ESF1: variants seen among roughly 807,000 people sequenced by gnomAD.
The protein encoded by ESF1 is ESF1 homolog.
ESF1 carries 58 observed loss-of-function variants against 92.0 expected under a neutral mutation model. That is an observed-to-expected ratio of 0.63 (90% CI 0.51 to 0.78). The LOEUF (loss-of-function observed/expected upper bound fraction) is 0.78. Ranked by LOEUF, ESF1 falls within the 30% of genes least tolerant of loss-of-function variation. The pLI, the probability that ESF1 is intolerant of heterozygous loss-of-function variation, is 0.00. For synonymous variants in ESF1, 321 were observed against 313.7 expected (o/e 1.02, Z -0.24); for missense variants, 922 against 989.1 (o/e 0.93, Z 0.91).
chr20:13,743,667 TAA>T (rs1568716106), intron 9 of ESF1, among the ~76,000 whole-genome samples: 1 of 152,104 alleles, frequency 6.6e-6, no homozygotes, highest in South Asian at 2.1e-4. Flanking sequence ...ATGTGGAATC[TAA>T]AAAAGTCAAA....
chr20:13,716,361 C>A (rs551660158), intron 13 of ESF1, among the ~76,000 whole-genome samples: 1 of 152,246 alleles, frequency 6.6e-6, no homozygotes, highest in African/African-American at 2.4e-5. Context: ...TGGCTTACTG[C>A]GCTGGCCACT....
intron 9 of ESF1, among the ~76,000 whole-genome samples, chr20:13,759,123 A>T (rs1016469716): frequency 6.6e-6 from 1 of 152,202 alleles, no homozygotes; most frequent in Non-Finnish European, 1.5e-5. Flanking sequence ...CAGAAAGTGA[A>T]ACCATGAAAA....
Position 13,714,997 on chromosome 20 carries a change from T to G in ESF1, c.2433A>C (p.Lys811Asn). ...EQELTQAIKKKESEIEKESQR... is the reference protein window; with the variant it reads ...EQELTQAIKKNESEIEKESQR... ...GTGATTCCTTTTCAATCTCACTCTCTTTTTTCTTTATTGCCTGAGTAAGTT... is the reference window on the plus strand; with the variant it reads ...GTGATTCCTTTTCAATCTCACTCTCGTTTTTCTTTATTGCCTGAGTAAGTT... The change falls in exon 14 of 14, where the codon AAA becomes AAC. Residue 811 changes from lysine (K) to asparagine (N), a missense_variant. Coordinates refer to ENST00000617257, the MANE Select transcript of ESF1 (RefSeq NM_001276380.2). The G allele has an allele frequency of 6.2e-7, 1 of 1,614,070 alleles. No homozygotes were observed. Among genetic ancestry groups the G allele is most frequent in the East Asian group, 2.2e-5 (1 of 44,864 alleles).
chr20:13,773,275 CT>C (rs1429495688), intron 4 of ESF1, among the ~76,000 whole-genome samples: 3 of 152,150 alleles, frequency 2.0e-5, no homozygotes, highest in Admixed American at 6.5e-5. Flanking sequence ...TTTAAACTGT[CT>C]GAAATATGCA....
At chr20:13,771,008 A>G (rs1249562950) in intron 6 of ESF1, among the ~76,000 whole-genome samples, 2 of 152,202 alleles carry the variant, frequency 1.3e-5, no homozygotes, top group East Asian at 3.9e-4. Flanking sequence ...CCCTTCCTCC[A>G]TGCATTTTTA....
intron 9 of ESF1, among the ~76,000 whole-genome samples, chr20:13,745,473 ATGGAGTCTCGCTCTG>A (rs1165126731): frequency 1.3e-5 from 2 of 152,218 alleles, no homozygotes; most frequent in African/African-American, 4.8e-5. Flanking sequence ...CTTTTTAGAG[ATGGAGTCTCGCTCTG>A]TGGCCCAGGC....
intron 9 of ESF1, among the ~76,000 whole-genome samples, chr20:13,749,659 G>A (rs373418071): frequency 2.6e-5 from 4 of 152,178 alleles, no homozygotes; most frequent in Middle Eastern, 3.4e-3. Context: ...TCCACTTGCC[G>A]GGTTCAAGAG....
chr20:13,743,862 T>A (rs2050031083), intron 9 of ESF1, among the ~76,000 whole-genome samples: 1 of 152,214 alleles, frequency 6.6e-6, no homozygotes, highest in South Asian at 2.1e-4. Flanking sequence ...ATATGTATAT[T>A]AAATCATCAC....
intron 2 of ESF1, among the ~76,000 whole-genome samples, chr20:13,778,461 T>TC (rs1191983167): frequency 3.6e-5 from 1 of 28,104 alleles, no homozygotes; most frequent in African/African-American, 8.5e-5. Context: ...TTTTTGAATA[T>TC]CATTTTTTTA....
In ESF1 at chr20:13,747,054, C is replaced by A. The variant is rs2050054242; in HGVS notation, c.1828+12638G>T. ...ACCAGAGAAGAAAACAGCCTAGGGG[C>A]TCTGGTGGGCCTAAGGATGAAAGGG... On this transcript the variant is annotated intron_variant, in intron 9 of 13. Transcript: ENST00000617257. Among the ~76,000 whole-genome samples the A allele has an allele frequency of 2.6e-5, 4 of 152,102 alleles. No homozygotes were observed. The East Asian group carries it at 7.7e-4, about 29-fold the overall frequency.
chr20:13,764,294 A>C (rs1192938570), intron 8 of ESF1, among the ~76,000 whole-genome samples: 1 of 152,242 alleles, frequency 6.6e-6, no homozygotes, highest in Non-Finnish European at 1.5e-5. Context: ...GAAGATGTGA[A>C]GGTATTAGGC....
intron 13 of ESF1, among the ~76,000 whole-genome samples, chr20:13,716,213 A>G (rs549607392): frequency 9.2e-5 from 14 of 152,354 alleles, no homozygotes; most frequent in African/African-American, 3.1e-4. Flanking sequence ...GTCATTAAGC[A>G]GTTTCTAACA....
At chr20:13,731,424 C>T (rs1009971550) in intron 10 of ESF1, among the ~76,000 whole-genome samples, 1 of 147,998 alleles carries the variant, frequency 6.8e-6, no homozygotes, top group Non-Finnish European at 1.5e-5. Flanking sequence ...CCCAGCTACT[C>T]GGGAGGCTGA....
rs983411145 is a variant in ESF1, at chr20:13,743,317, T to C, written c.1829-9475A>G. On this transcript the variant is annotated intron_variant, in intron 9 of 13. Transcript: ENST00000617257. ...GGTACAGCTATTATGGAAAACAGCA[T>C]GGAGGTTCCTCAAAAACTTACAAAC... Among the ~76,000 whole-genome samples the C allele has an allele frequency of 2.6e-5, 4 of 152,306 alleles. No individual in the cohort carries two copies. The South Asian group carries it at 8.3e-4, about 32-fold the overall frequency.
chr20:13,758,110 C>T (rs1281903870), intron 9 of ESF1, among the ~76,000 whole-genome samples: 1 of 152,076 alleles, frequency 6.6e-6, no homozygotes, highest in Non-Finnish European at 1.5e-5. Flanking sequence ...AGTTCTTCTG[C>T]GAGACAATTC....
Position 13,751,030 on chromosome 20 carries a change from C to T in ESF1, c.1828+8662G>A, listed in dbSNP as rs1027325941. Among the ~76,000 whole-genome samples, 73 of 152,226 alleles carry T rather than the reference C, an allele frequency of 4.8e-4. 1 individual carries two copies. The highest frequency in any genetic ancestry group is 1.7e-3 in the African/African-American group (72 of 41,522). On this transcript the variant is annotated intron_variant, in intron 9 of 13. Coordinates refer to ENST00000617257, the MANE Select transcript of ESF1 (RefSeq NM_001276380.2). ...GACACGAAGATGCTATACTCAAAAA[C>T]GTATCTGTGAGAAAATGTAATAAAA...
chr20:13,771,114 G>C (rs896985720), intron 6 of ESF1, among the ~76,000 whole-genome samples: 7 of 152,304 alleles, frequency 4.6e-5, no homozygotes, highest in African/African-American at 1.7e-4. Flanking sequence ...CAATATGTCT[G>C]AAAGGACAAA....
intron 9 of ESF1, among the ~76,000 whole-genome samples, chr20:13,736,058 G>C (rs2049973356): frequency 6.6e-6 from 1 of 152,158 alleles, no homozygotes; most frequent in Non-Finnish European, 1.5e-5. Flanking sequence ...AGGAGCTGAA[G>C]AGGTCTAGCC....
At chr20:13,754,533 AT>A (rs1182068683) in intron 9 of ESF1, among the ~76,000 whole-genome samples, 5 of 151,942 alleles carry the variant, frequency 3.3e-5, no homozygotes, top group Non-Finnish European at 5.9e-5. Flanking sequence ...ATTCCTTGGC[AT>A]GTCTATTTAG....
Sources: gnomAD v4.1 joint callset for allele counts (sites outside exome capture counted in the v4.1 genomes callset) on GRCh38, gnomAD v4.1.1 for gene constraint, MANE v1.5 for transcripts, NCBI Gene and HGNC (gene_info 2026-07-23, HGNC 2026-07-21) for gene names.